ZBTB20: variants seen among roughly 807,000 people sequenced by gnomAD.
ZBTB20 encodes zinc finger and BTB domain containing 20, also known as zinc finger and BTB domain-containing protein 20.
In ZBTB20, 9 loss-of-function variants were observed where a neutral mutation model predicts 56.9. That is an observed-to-expected ratio of 0.16 (90% confidence interval 0.10 to 0.28). The LOEUF (loss-of-function observed/expected upper bound fraction) is 0.28, where lower values mean the gene tolerates loss of function less well. Ranked by LOEUF, ZBTB20 falls within the 10% of genes least tolerant of loss-of-function variation. ZBTB20 has a pLI of 1.00. For synonymous variants in ZBTB20, 417 were observed against 420.7 expected (o/e 0.99, Z 0.11); for missense variants, 655 against 1,003.0 (o/e 0.65, Z 4.69).
In ZBTB20 at chr3:114,878,806, G is replaced by C. The variant is rs540861563; in HGVS notation, c.-417+21498C>G. Among the ~76,000 whole-genome samples the C allele has an allele frequency of 3.3e-5, 5 of 152,024 alleles. No homozygotes were observed. In the East Asian group the frequency reaches 9.7e-4, roughly 29 times the overall value. ...CACACAAAATAACTAATAAAGCTGC[G>C]GTCACAACCAACTGAAAATAAACAC... On this transcript the variant is annotated intron_variant, in intron 4 of 11. Coordinates refer to ENST00000675478, the MANE Select transcript of ZBTB20 (RefSeq NM_001348800.3).
chr3:114,315,603 G>GTGTGTGTGTA lies in ZBTB20; in HGVS notation c.*23401_*23402insTACACACACA, dbSNP rs1044657042. The GTGTGTGTGTA allele has an allele frequency of 1.2e-4, 18 of 152,156 alleles. No individual in the cohort carries two copies. The highest frequency in any genetic ancestry group is 4.4e-4 in the African/African-American group (18 of 40,714). 9.4% of individuals were successfully genotyped at this position (152,156 alleles called of 1,614,324 possible). On this transcript the variant is annotated 3_prime_UTR_variant, in exon 12 of 12. Coordinates refer to ENST00000675478, the MANE Select transcript of ZBTB20 (RefSeq NM_001348800.3). ...TGTGTGTGTGTGTGTGTGTGTGTGT[G>GTGTGTGTGTA]TGTACACAGTAGCAATTGCAAAAAA...
At chr3:114,609,049 A>G (rs1353564568) in intron 6 of ZBTB20, among the ~76,000 whole-genome samples, 1 of 152,202 alleles carries the variant, frequency 6.6e-6, no homozygotes, top group African/African-American at 2.4e-5. Flanking sequence ...ACATCGCCTC[A>G]TCTCTCTGAT....
rs192611549 is a variant in ZBTB20 at position 115,060,825 on chromosome 3, T to C, written c.-507+10394A>G. ...GTTAACTTTATCAGAAAAGGAGAAA[T>C]GAGATTAGTATGACATGACTTGTTC... is the stretch of plus-strand genomic sequence containing the variant. On this transcript the variant is annotated intron_variant, in intron 2 of 11. Coordinates refer to ENST00000675478, the MANE Select transcript of ZBTB20 (RefSeq NM_001348800.3). Among the ~76,000 whole-genome samples, 776 of 151,874 alleles carry C rather than the reference T, an allele frequency of 5.1e-3. 7 individuals carry two copies. Among genetic ancestry groups the C allele is most frequent in the African/African-American group, 0.017 (719 of 41,488 alleles).
chr3:114,996,329 G>A (rs1177192392), intron 2 of ZBTB20, among the ~76,000 whole-genome samples: 3 of 151,728 alleles, frequency 2.0e-5, no homozygotes, highest in Non-Finnish European at 4.4e-5. Context: ...TCTACATGAG[G>A]TATTTCTCCT....
chr3:114,429,057 T>G lies in ZBTB20; in HGVS notation c.-254-39952A>C, dbSNP rs547616049. ...ATAGATAAGTCTGTATAAAATATAT[T>G]GCTGGGTAGTAAAAAGAGGACCGGT... is the stretch of plus-strand genomic sequence containing the variant. On this transcript the variant is annotated intron_variant, in intron 7 of 11. Coordinates refer to ENST00000675478, the MANE Select transcript of ZBTB20 (RefSeq NM_001348800.3). Among the ~76,000 whole-genome samples the G allele has an allele frequency of 1.2e-3, 190 of 152,194 alleles. 1 individual carries two copies. Among genetic ancestry groups the G allele is most frequent in the African/African-American group, 4.4e-3 (184 of 41,526 alleles).
chr3:114,720,069 A>G (rs1245111639), intron 5 of ZBTB20, among the ~76,000 whole-genome samples: 1 of 149,670 alleles, frequency 6.7e-6, no homozygotes, highest in African/African-American at 2.4e-5. Context: ...TAATTCTTAC[A>G]TATATAATAT....
At chr3:114,388,023 A>G (rs2085371986) in intron 8 of ZBTB20, 1 of 152,256 alleles carries the variant, frequency 6.6e-6, no homozygotes, top group African/African-American at 2.4e-5. Context: ...GATTTATACC[A>G]GAATAGCTAA....
In ZBTB20 at chr3:114,338,700, G is replaced by T. The variant is rs1161943526; in HGVS notation, c.*305C>A. 2 of 254,042 alleles carry T rather than the reference G, an allele frequency of 7.9e-6. No individual in the cohort carries two copies. The highest frequency in any genetic ancestry group is 1.5e-5 in the Non-Finnish European group (2 of 135,564). The allele number at this position is 254,042 out of a possible 1,614,324, so 15.7% of individuals were successfully genotyped here. ...TTTAAAAGATTTTTTTGTAAAGAAGGGTTGTATTTAGAGGCCAGTAGCTAG... is the reference window on the plus strand; with the variant it reads ...TTTAAAAGATTTTTTTGTAAAGAAGTGTTGTATTTAGAGGCCAGTAGCTAG... On this transcript the variant is annotated 3_prime_UTR_variant, in exon 12 of 12. Transcript: ENST00000675478.
chr3:114,503,677 G>T (rs1339565704), intron 6 of ZBTB20, among the ~76,000 whole-genome samples: 1 of 151,994 alleles, frequency 6.6e-6, no homozygotes, highest in Non-Finnish European at 1.5e-5. Flanking sequence ...AAACTGTAAA[G>T]CCCAAGTAAT....
intron 8 of ZBTB20, among the ~76,000 whole-genome samples, chr3:114,384,499 G>A (rs2084844922): frequency 6.6e-6 from 1 of 150,710 alleles, no homozygotes; most frequent in Non-Finnish European, 1.5e-5. Context: ...AAGCGTGGCC[G>A]CAGGCACCCG....
chr3:115,023,680 T>C (rs889105065), intron 2 of ZBTB20, among the ~76,000 whole-genome samples: 27 of 151,010 alleles, frequency 1.8e-4, no homozygotes, highest in African/African-American at 6.5e-4. Context: ...TTCCCTTCAC[T>C]TAATTCCTTG....
At chr3:114,869,114 T>C (rs980931659) in intron 4 of ZBTB20, among the ~76,000 whole-genome samples, 10 of 152,078 alleles carry the variant, frequency 6.6e-5, no homozygotes, top group African/African-American at 2.4e-4. Flanking sequence ...CTTAGGAGGT[T>C]ACTGAAGCTA....
In ZBTB20 at chr3:114,322,571, A is replaced by G. The variant is rs2078932409; in HGVS notation, c.*16434T>C. 1 of 152,354 alleles carries G rather than the reference A, an allele frequency of 6.6e-6. No homozygotes were observed. Among genetic ancestry groups the G allele is most frequent in the South Asian group, 2.1e-4 (1 of 4,832 alleles). The allele number at this position is 152,354 out of a possible 1,614,324, so 9.4% of individuals were successfully genotyped here. A position where few individuals can be genotyped will look rare whatever the true frequency, so the allele number is the denominator to read the frequency against. ...AGCCTCAAGAGAAGTATCCTAGGAC[A>G]GTTAATGTGAATATATTTTAAAAAG... On this transcript the variant is annotated 3_prime_UTR_variant, in exon 12 of 12. Coordinates refer to ENST00000675478, the MANE Select transcript of ZBTB20 (RefSeq NM_001348800.3).
chr3:114,980,787 C>T (rs2078294462), intron 2 of ZBTB20, among the ~76,000 whole-genome samples: 1 of 151,914 alleles, frequency 6.6e-6, no homozygotes, highest in African/African-American at 2.4e-5. Context: ...TAAGACTGGA[C>T]TATTTTCACC....
At chr3:114,595,953 A>C (rs1252128478) in intron 6 of ZBTB20, among the ~76,000 whole-genome samples, 1 of 152,234 alleles carries the variant, frequency 6.6e-6, no homozygotes, top group Admixed American at 6.5e-5. Flanking sequence ...ATAATGCTTC[A>C]ATTATTCAAT....
chr3:115,070,044 A>C (rs1163802675), intron 2 of ZBTB20, among the ~76,000 whole-genome samples: 2 of 152,072 alleles, frequency 1.3e-5, no homozygotes, highest in African/African-American at 2.4e-5. Flanking sequence ...CTGCTATATA[A>C]AGTTTCATGT....
At chr3:114,481,565 T>A (rs1283826254) in intron 7 of ZBTB20, among the ~76,000 whole-genome samples, 4 of 152,232 alleles carry the variant, frequency 2.6e-5, no homozygotes, top group Admixed American at 2.6e-4. Flanking sequence ...AGGCCTTCTC[T>A]GAGAAACTCT....
intron 3 of ZBTB20, among the ~76,000 whole-genome samples, chr3:114,950,761 A>G (rs144552441): frequency 1.3e-5 from 2 of 152,310 alleles, no homozygotes; most frequent in East Asian, 3.9e-4. Context: ...AACTGGAAAT[A>G]AGCCAAATGT....
At chr3:114,484,372 C>T (rs1022884847) in intron 7 of ZBTB20, among the ~76,000 whole-genome samples, 2 of 152,154 alleles carry the variant, frequency 1.3e-5, no homozygotes, top group Non-Finnish European at 2.9e-5. Context: ...GCCTCAGCTT[C>T]AAGACAAAAG....
Sources: gnomAD v4.1 joint callset for allele counts (sites outside exome capture counted in the v4.1 genomes callset) on GRCh38, gnomAD v4.1.1 for gene constraint, MANE v1.5 for transcripts, NCBI Gene and HGNC (gene_info 2026-07-23, HGNC 2026-07-21) for gene names.